Variants in PCDH15 observed in about 807,000 individuals in gnomAD.
The protein encoded by PCDH15 is protocadherin-15.
A neutral mutation model predicts 178.5 loss-of-function variants in PCDH15; 129 were observed. The ratio of observed to expected loss-of-function variants is 0.72; its 90% CI spans 0.63 to 0.84. The LOEUF is 0.84. Ranked by LOEUF, PCDH15 falls within the 40% of genes least tolerant of loss-of-function variation. The pLI is 0.00. For synonymous variants in PCDH15, 800 were observed against 732.0 expected, an observed-to-expected ratio of 1.09 and a Z score of -1.50; for missense variants, 2,230 against 2,099.9, an observed-to-expected ratio of 1.06 and a Z score of -1.21.
intron 1 of PCDH15, among the ~76,000 whole-genome samples, chr10:54,665,722 T>C (rs2094560847): frequency 6.6e-6 from 1 of 152,012 alleles, no homozygotes; most frequent in African/African-American, 2.4e-5. Context: ...CTTTGTTTCT[T>C]TATCTAAGAT....
chr10:55,423,049 C>T (rs932579229), intron 2 of PCDH15, among the ~76,000 whole-genome samples: 2 of 151,890 alleles, frequency 1.3e-5, no homozygotes, highest in South Asian at 4.1e-4. Flanking sequence ...TATCATGTAT[C>T]TTATTTATAC....
chr10:55,329,643 C>G (rs1168789591), intron 2 of PCDH15, among the ~76,000 whole-genome samples: 1 of 151,694 alleles, frequency 6.6e-6, no homozygotes, highest in Non-Finnish European at 1.5e-5. Flanking sequence ...TCTTGTTTAC[C>G]CAGTCTTATT....
chr10:54,623,472 A>G (rs2093451476), intron 2 of PCDH15, among the ~76,000 whole-genome samples: 1 of 152,140 alleles, frequency 6.6e-6, no homozygotes, highest in Non-Finnish European at 1.5e-5. Flanking sequence ...GTGGATTTTT[A>G]TAAATAATGT....
chr10:55,148,087 A>G (rs1488500478), intron 2 of PCDH15, among the ~76,000 whole-genome samples: 2 of 144,172 alleles, frequency 1.4e-5, no homozygotes, highest in Non-Finnish European at 3.1e-5. Context: ...ATTTTAACAG[A>G]AAAAAATTCT....
intron 2 of PCDH15, among the ~76,000 whole-genome samples, chr10:55,012,221 G>A (rs1198659555): frequency 6.6e-6 from 1 of 151,934 alleles, no homozygotes; most frequent in Non-Finnish European, 1.5e-5. Flanking sequence ...TATGCTTGCA[G>A]TCAAAAAAGA....
intron 1 of PCDH15, among the ~76,000 whole-genome samples, chr10:55,269,103 A>G (rs1842373637): frequency 6.6e-6 from 1 of 152,062 alleles, no homozygotes. Context: ...GATAACCACA[A>G]TCAACCAACC....
chr10:54,134,238 G>T (rs112275819), intron 14 of PCDH15, among the ~76,000 whole-genome samples: 2,447 of 131,284 alleles, frequency 0.019, 303 homozygotes, highest in African/African-American at 0.061. Flanking sequence ...GAGATGGGTT[G>T]TGCCATGTTG....
At chr10:54,806,731 G>T (rs536230523) in intron 3 of PCDH15, among the ~76,000 whole-genome samples, 2 of 152,120 alleles carry the variant, frequency 1.3e-5, no homozygotes, top group Admixed American at 1.3e-4. Flanking sequence ...TGATCCACCC[G>T]CCTTGGCCTC....
At chr10:55,155,246 G>T (rs1838850548) in intron 2 of PCDH15, among the ~76,000 whole-genome samples, 1 of 152,012 alleles carries the variant, frequency 6.6e-6, no homozygotes, top group Non-Finnish European at 1.5e-5. Flanking sequence ...TACTTCAGTG[G>T]ATTGTAATTA....
intron 1 of PCDH15, among the ~76,000 whole-genome samples, chr10:54,777,614 C>G (rs949317848): frequency 6.6e-6 from 1 of 152,094 alleles, no homozygotes; most frequent in Non-Finnish European, 1.5e-5. Context: ...AAGCATCCAT[C>G]CAATTTCAGT....
At chr10:54,836,740 A>C (rs1953324162) in intron 3 of PCDH15, among the ~76,000 whole-genome samples, 1 of 152,148 alleles carries the variant, frequency 6.6e-6, no homozygotes, top group South Asian at 2.1e-4. Context: ...TGAAGAAAAA[A>C]TTACAGTGTT....
intron 8 of PCDH15, among the ~76,000 whole-genome samples, chr10:54,257,137 A>AT (rs138461602): frequency 6.6e-6 from 1 of 152,122 alleles, no homozygotes; most frequent in South Asian, 2.1e-4. Flanking sequence ...TGATGGACTG[A>AT]TTTTTTTAGG....
chr10:54,837,725 G>A (rs1332905150), intron 3 of PCDH15, among the ~76,000 whole-genome samples: 1 of 152,028 alleles, frequency 6.6e-6, no homozygotes, highest in Non-Finnish European at 1.5e-5. Context: ...GCAATAATTC[G>A]GCAGCCATTC....
chr10:54,733,605 A>G (rs1943691779), intron 1 of PCDH15, among the ~76,000 whole-genome samples: 1 of 151,682 alleles, frequency 6.6e-6, no homozygotes, highest in South Asian at 2.1e-4. Flanking sequence ...AAAACTGATT[A>G]TAAGTTTACA....
intron 33 of PCDH15, among the ~76,000 whole-genome samples, chr10:53,819,308 A>AAAT (rs1177893958): frequency 6.6e-6 from 1 of 152,030 alleles, no homozygotes; most frequent in Admixed American, 6.6e-5. Context: ...TCAATGTGAA[A>AAAT]AATAAAATAT....
At chr10:54,229,665 T>C (rs961538514) in intron 9 of PCDH15, among the ~76,000 whole-genome samples, 3 of 152,182 alleles carry the variant, frequency 2.0e-5, no homozygotes, top group African/African-American at 7.2e-5. Flanking sequence ...TCTCTTTTCT[T>C]ATATTTTGCC....
intron 13 of PCDH15, among the ~76,000 whole-genome samples, chr10:54,177,363 T>C (rs572366498): frequency 6.6e-6 from 1 of 152,216 alleles, no homozygotes; most frequent in South Asian, 2.1e-4. Flanking sequence ...TGGATATATG[T>C]CATTAGTACA....
chr10:53,827,337 A>T (rs931280638), intron 32 of PCDH15, 56 bp downstream of exon 32: 2 of 1,546,792 alleles, frequency 1.3e-6, no homozygotes, highest in African/African-American at 2.8e-5. Flanking sequence ...AATACTCACC[A>T]CACAGAATTC....
At chr10:54,659,038 A>G (rs903762451) in intron 2 of PCDH15, among the ~76,000 whole-genome samples, 5 of 152,164 alleles carry the variant, frequency 3.3e-5, no homozygotes, top group African/African-American at 1.2e-4. Flanking sequence ...AAAAAAAAAG[A>G]CAAAGAAAGA....
Sources: allele counts gnomAD v4.1 joint callset (sites outside exome capture counted in the v4.1 genomes callset), GRCh38; gene constraint gnomAD v4.1.1; transcripts MANE v1.5; gene names NCBI Gene and HGNC (gene_info 2026-07-23, HGNC 2026-07-21).